GLCCI1: variants seen among roughly 807,000 people sequenced by gnomAD.
GLCCI1 encodes glucocorticoid-induced transcript 1 protein.
A neutral mutation model predicts 52.2 loss-of-function variants in GLCCI1; 24 were observed. That is an observed-to-expected ratio of 0.46 (90% CI 0.33 to 0.65). The LOEUF is 0.65. Ranked by LOEUF, GLCCI1 falls within the 30% of genes least tolerant of loss-of-function variation. GLCCI1 has a pLI of 0.02. For synonymous variants in GLCCI1, 310 were observed against 276.5 expected (o/e 1.12, Z -1.20); for missense variants, 704 against 701.5 (o/e 1.00, Z -0.04).
At chr7:8,042,433 C>G (rs759334182) in intron 3 of GLCCI1, among the ~76,000 whole-genome samples, 8 of 152,156 alleles carry the variant, frequency 5.3e-5, no homozygotes, top group Non-Finnish European at 8.8e-5. Context: ...TGATTCCACC[C>G]TTAATGGATG....
At chr7:7,986,676 T>A (rs1780739992) in intron 1 of GLCCI1, among the ~76,000 whole-genome samples, 3 of 152,248 alleles carry the variant, frequency 2.0e-5, no homozygotes, top group Admixed American at 1.3e-4. Flanking sequence ...AGAAGCATAG[T>A]TATGAAGGTA....
At position 8,086,218 on chromosome 7, in the gene GLCCI1, CTCTTT is replaced by C. The variant is rs1378566230; in HGVS notation, c.1327_1331del (p.Phe443MetfsTer3). The stretch of plus-strand genomic sequence containing the variant: ...GTCTCGTCAGCCTATCTCGGCCCCT[CTCTTT>C]TCATGTCCTGACAAAAACAAGGTTA... On this transcript the variant is annotated frameshift_variant, in exon 8 of 8. Coordinates refer to ENST00000223145, the MANE Select transcript of GLCCI1 (RefSeq NM_138426.4). LOFTEE classifies it high-confidence loss of function. The surrounding 1 kb of genome is among the most constrained non-coding windows in gnomAD (Gnocchi z 4.4). 1.2e-6 allele frequency: 2 copies of C among 1,613,698 alleles called. No homozygotes were observed. Among genetic ancestry groups the C allele is most frequent in the African/African-American group, 2.7e-5 (2 of 74,892 alleles).
chr7:8,025,429 A>G (rs528746768), intron 3 of GLCCI1, among the ~76,000 whole-genome samples: 42 of 152,350 alleles, frequency 2.8e-4, no homozygotes, highest in African/African-American at 9.6e-4. Context: ...AAAAAGGGCA[A>G]TAACTAAATA....
chr7:7,998,824 G>C (rs1012702128), intron 1 of GLCCI1, among the ~76,000 whole-genome samples: 2 of 152,108 alleles, frequency 1.3e-5, no homozygotes, highest in African/African-American at 4.8e-5. Context: ...TTTTGCAGCA[G>C]GATATTTTCT....
chr7:8,063,478 G>A (rs1430428027), intron 5 of GLCCI1, among the ~76,000 whole-genome samples: 1 of 151,908 alleles, frequency 6.6e-6, no homozygotes, highest in Non-Finnish European at 1.5e-5. Context: ...CGTTCTAACT[G>A]ATGTGAGATG....
At chr7:7,990,121 A>G (rs141431604) in intron 1 of GLCCI1, among the ~76,000 whole-genome samples, 2 of 152,234 alleles carry the variant, frequency 1.3e-5, no homozygotes, top group East Asian at 1.9e-4. Flanking sequence ...AGATGAGTCC[A>G]GTACATCTGG....
At chr7:8,022,626 G>C (rs373735984) in intron 3 of GLCCI1, 57 bp downstream of exon 3, 1 of 1,048,854 alleles carries the variant, frequency 9.5e-7, no homozygotes, top group Non-Finnish European at 1.4e-6. Flanking sequence ...GATTACCTTA[G>C]TATTTCCTGA....
chr7:8,056,046 C>A (rs952240863), intron 4 of GLCCI1, among the ~76,000 whole-genome samples: 15 of 150,864 alleles, frequency 9.9e-5, no homozygotes, highest in Non-Finnish European at 2.2e-4. Context: ...TCCTGTAATC[C>A]TAGCACTTTG....
chr7:8,003,548 C>T (rs1781087238), intron 1 of GLCCI1, among the ~76,000 whole-genome samples: 1 of 152,094 alleles, frequency 6.6e-6, no homozygotes, highest in African/African-American at 2.4e-5. Context: ...GGGTATGACA[C>T]TGTAAAATTT....
At chr7:8,032,627 A>G (rs926783820) in intron 3 of GLCCI1, among the ~76,000 whole-genome samples, 8 of 152,040 alleles carry the variant, frequency 5.3e-5, no homozygotes, top group African/African-American at 1.4e-4. Flanking sequence ...TATGCCATCA[A>G]CGTAGAAAAC....
At chr7:8,021,697 T>A (rs1273131589) in intron 2 of GLCCI1, among the ~76,000 whole-genome samples, 1 of 152,214 alleles carries the variant, frequency 6.6e-6, no homozygotes, top group African/African-American at 2.4e-5. Context: ...GCCACCATGC[T>A]CAGCCTATTG....
chr7:8,044,862 T>C (rs1244039499), intron 3 of GLCCI1, among the ~76,000 whole-genome samples: 1 of 152,166 alleles, frequency 6.6e-6, no homozygotes, highest in Non-Finnish European at 1.5e-5. Flanking sequence ...AAGAAAAATC[T>C]CAACAGACCA....
chr7:8,057,489 CA>C (rs1782424255), intron 4 of GLCCI1, among the ~76,000 whole-genome samples: 1 of 151,964 alleles, frequency 6.6e-6, no homozygotes, highest in Non-Finnish European at 1.5e-5. Flanking sequence ...ATTAAATTCT[CA>C]AAAAGGCAAC....
At position 8,086,089 on chromosome 7, in the gene GLCCI1, G is replaced by T; in HGVS notation, c.1299-104G>T. The T allele has an allele frequency of 1.0e-6, 1 of 959,504 alleles. No individual in the cohort carries two copies. 59.4% of individuals were successfully genotyped at this position (959,504 alleles called of 1,614,324 possible). A position where few individuals can be genotyped will look rare whatever the true frequency, so the allele number is the denominator to read the frequency against. ...TCTGTATACACTTAACCCATCTCCT[G>T]CCATTTACATTTTAGCTGTTTTAGA... On this transcript the variant is annotated intron_variant, in intron 7 of 7. Coordinates refer to ENST00000223145, the MANE Select transcript of GLCCI1 (RefSeq NM_138426.4). This position sits in a 1 kb window ranked among gnomAD's most constrained non-coding sequence, Gnocchi z 4.4.
chr7:8,002,292 T>C (rs1315064461), intron 1 of GLCCI1, among the ~76,000 whole-genome samples: 1 of 152,270 alleles, frequency 6.6e-6, no homozygotes, highest in Middle Eastern at 3.4e-3. Context: ...TCAATTGATA[T>C]ATAAGACAAG....
chr7:8,031,726 AAAAC>A (rs146504134), intron 3 of GLCCI1, among the ~76,000 whole-genome samples: 4,977 of 152,050 alleles, frequency 0.033, 238 homozygotes, highest in African/African-American at 0.1. Flanking sequence ...TATTTTTAAA[AAAAC>A]AAACAGACTG....
At chr7:8,067,572 A>C (rs1782658172) in intron 5 of GLCCI1, among the ~76,000 whole-genome samples, 2 of 152,152 alleles carry the variant, frequency 1.3e-5, no homozygotes, top group South Asian at 4.1e-4. Context: ...GTCTGGTAGT[A>C]ATGAATTCTC....
At chr7:7,979,488 A>T (rs1218950395) in intron 1 of GLCCI1, among the ~76,000 whole-genome samples, 2 of 152,040 alleles carry the variant, frequency 1.3e-5, no homozygotes, top group African/African-American at 2.4e-5. Context: ...CACTCTGTTT[A>T]TGTGTATTTT....
chr7:8,069,976 A>G (rs1232504256), intron 5 of GLCCI1: 1 of 152,252 alleles, frequency 6.6e-6, no homozygotes, highest in Non-Finnish European at 1.5e-5. Flanking sequence ...ATAACTTAAT[A>G]TAGAGAATTT....
Sources: allele counts gnomAD v4.1 joint callset (sites outside exome capture counted in the v4.1 genomes callset), GRCh38; gene constraint gnomAD v4.1.1; non-coding constraint Gnocchi (gnomAD v3.1); transcripts MANE v1.5; gene names NCBI Gene and HGNC (gene_info 2026-07-23, HGNC 2026-07-21).